Variants in CORO1C observed in about 807,000 individuals in gnomAD.
The protein encoded by CORO1C is coronin-1C.
CORO1C carries 14 observed loss-of-function variants against 51.2 expected under a neutral mutation model. The observed-to-expected ratio is 0.27, with a 90% CI of 0.18 to 0.43. The LOEUF is 0.43. Ranked by LOEUF, CORO1C falls within the 20% of genes least tolerant of loss-of-function variation. The probability of loss-of-function intolerance (pLI) is 1.00; values close to 1 mark genes in which losing one functional copy is unlikely to be tolerated. For missense variants in CORO1C, 417 were observed against 607.8 expected (o/e 0.69, Z 3.30); for synonymous variants, 181 against 210.5 (o/e 0.86, Z 1.21).
At chr12:108,705,812 G>C (rs2035012557) in intron 1 of CORO1C, among the ~76,000 whole-genome samples, 1 of 152,036 alleles carries the variant, frequency 6.6e-6, no homozygotes, top group Non-Finnish European at 1.5e-5. Flanking sequence ...TGCGAGGTTG[G>C]GTCAACATCT....
At chr12:108,708,484 T>TG (rs1207832001) in intron 1 of CORO1C, among the ~76,000 whole-genome samples, 1 of 151,128 alleles carries the variant, frequency 6.6e-6, no homozygotes, top group Non-Finnish European at 1.5e-5. Flanking sequence ...TTTTCTGAGA[T>TG]GGAGTCTTGC....
chr12:108,664,650 C>T (rs368130445), intron 3 of CORO1C, among the ~76,000 whole-genome samples: 61 of 152,322 alleles, frequency 4.0e-4, no homozygotes, highest in African/African-American at 1.4e-3. Context: ...CCTCCCTCTG[C>T]GGAAGAGACC....
intron 2 of CORO1C, among the ~76,000 whole-genome samples, chr12:108,679,644 T>C (rs1051227585): frequency 6.6e-6 from 1 of 152,226 alleles, no homozygotes; most frequent in African/African-American, 2.4e-5. Flanking sequence ...GCAGGCTTCT[T>C]AGCAATTTTT....
chr12:108,692,794 C>CTTTT (rs11447073), intron 2 of CORO1C, among the ~76,000 whole-genome samples: 128 of 111,638 alleles, frequency 1.1e-3, no homozygotes, highest in African/African-American at 1.4e-3. Context: ...TAGACCACAG[C>CTTTT]TTTTTTTTTT....
chr12:108,672,877 G>C (rs138250407), intron 3 of CORO1C, among the ~76,000 whole-genome samples: 1 of 152,244 alleles, frequency 6.6e-6, no homozygotes, highest in Non-Finnish European at 1.5e-5. Flanking sequence ...ACTCATATAA[G>C]ACAGTGAACT....
chr12:108,696,796 AAG>A (rs2034701917), intron 2 of CORO1C, among the ~76,000 whole-genome samples: 1 of 152,244 alleles, frequency 6.6e-6, no homozygotes, highest in African/African-American at 2.4e-5. Context: ...AGCATTACAA[AAG>A]AGAGTGGGAA....
At position 108,717,425 on chromosome 12, in the gene CORO1C, T is replaced by C. The variant is rs193084989; in HGVS notation, c.-6+14004A>G. 2.0e-5 allele frequency among the ~76,000 whole-genome samples: 3 copies of C among 152,282 alleles called. No individual in the cohort carries two copies. The East Asian group carries it at 5.8e-4, about 29-fold the overall frequency. Reference sequence around the variant, plus strand: ...GTATGAGTATGTGACATAATTAGATTTGCATTTTAAAAGCTCACGCTGAAT... The same window carrying C: ...GTATGAGTATGTGACATAATTAGATCTGCATTTTAAAAGCTCACGCTGAAT... On this transcript the variant is annotated intron_variant, in intron 1 of 10. Coordinates refer to ENST00000261401, the MANE Select transcript of CORO1C (RefSeq NM_014325.4).
In CORO1C at chr12:108,710,294, T is replaced by C. The variant is rs1001944705; in HGVS notation, c.-5-8971A>G. On this transcript the variant is annotated intron_variant, in intron 1 of 10. Transcript: ENST00000261401. ...CTCCCTCACCAAGTTTTCCAGGTGATACTGAAGGCCAAAAAGGAGGATTAC... is the reference window on the plus strand; with the variant it reads ...CTCCCTCACCAAGTTTTCCAGGTGACACTGAAGGCCAAAAAGGAGGATTAC... Among the ~76,000 whole-genome samples the C allele has an allele frequency of 7.8e-4, 119 of 152,320 alleles. 2 individuals carry two copies. Among genetic ancestry groups the C allele is most frequent in the African/African-American group, 2.7e-3 (111 of 41,562 alleles).
chr12:108,688,164 G>A (rs2034367324), intron 2 of CORO1C, among the ~76,000 whole-genome samples: 2 of 152,004 alleles, frequency 1.3e-5, no homozygotes, highest in South Asian at 4.1e-4. Context: ...GCCCACCTCA[G>A]CCTCCCAAAG....
intron 2 of CORO1C, among the ~76,000 whole-genome samples, chr12:108,682,264 T>C (rs1253139052): frequency 6.6e-6 from 1 of 151,908 alleles, no homozygotes; most frequent in Non-Finnish European, 1.5e-5. Flanking sequence ...TTGTAGTAAA[T>C]GCAAGATTAA....
At chr12:108,717,081 G>A (rs936229086) in intron 1 of CORO1C, among the ~76,000 whole-genome samples, 5 of 152,234 alleles carry the variant, frequency 3.3e-5, no homozygotes, top group Non-Finnish European at 7.3e-5. Flanking sequence ...AGAACACAAG[G>A]TAACTGAGTC....
intron 2 of CORO1C, among the ~76,000 whole-genome samples, chr12:108,691,577 A>C (rs1291703183): frequency 6.6e-6 from 1 of 152,192 alleles, no homozygotes; most frequent in Admixed American, 6.5e-5. Flanking sequence ...CGTTCTTTGC[A>C]CTTGACTCAG....
chr12:108,692,509 A>ACT (rs2034530630), intron 2 of CORO1C, among the ~76,000 whole-genome samples: 2 of 152,244 alleles, frequency 1.3e-5, no homozygotes, highest in Non-Finnish European at 2.9e-5. Context: ...CACACAGAAA[A>ACT]GCACTGTCAG....
Position 108,648,746 on chromosome 12 carries a change from G to C in CORO1C, c.1164C>G (p.Ile388Met). The change falls in exon 10 of 11, where the codon ATC becomes ATG. Residue 388 changes from isoleucine to methionine, a missense_variant. By Grantham distance (10) the Ile-to-Met change is conservative (BLOSUM62 1). Transcript: ENST00000261401. ...CTGGAATGTACCCGTGCTTCAAGGA[G>C]ATGAGGATTGGGTCTGCATTCTTGC... ...FEGKNADPIL[I>M]SLKHGYIPGK... The C allele has an allele frequency of 6.2e-7, 1 of 1,614,192 alleles. No individual in the cohort carries two copies. The highest frequency in any genetic ancestry group is 8.5e-7 in the Non-Finnish European group (1 of 1,180,046).
At chr12:108,721,734 A>G (rs1257774075) in intron 1 of CORO1C, among the ~76,000 whole-genome samples, 1 of 152,164 alleles carries the variant, frequency 6.6e-6, no homozygotes, top group Non-Finnish European at 1.5e-5. Flanking sequence ...GAAAAAAGTG[A>G]CTTTTTGATA....
intron 1 of CORO1C, chr12:108,703,076 G>T: frequency 1.1e-6 from 1 of 892,990 alleles, no homozygotes; most frequent in Non-Finnish European, 1.6e-6. Flanking sequence ...AAAAGCAAAA[G>T]GAAAGCACAT....
chr12:108,652,010 G>A, intron 8 of CORO1C: 1 of 267,462 alleles, frequency 3.7e-6, no homozygotes, highest in Non-Finnish European at 7.1e-6. Flanking sequence ...GGGCAACAGA[G>A]CCAGACTCCG....
chr12:108,698,786 G>A (rs779593873), intron 2 of CORO1C, among the ~76,000 whole-genome samples: 1 of 152,216 alleles, frequency 6.6e-6, no homozygotes, highest in Non-Finnish European at 1.5e-5. Context: ...ACACATCCAC[G>A]TCCCACTACA....
intron 3 of CORO1C, among the ~76,000 whole-genome samples, chr12:108,666,576 T>C (rs1185700051): frequency 6.6e-6 from 1 of 152,130 alleles, no homozygotes; most frequent in Non-Finnish European, 1.5e-5. Flanking sequence ...GCCTGCTCGG[T>C]TTGGACTGAT....
Sources: gnomAD v4.1 joint callset for allele counts (sites outside exome capture counted in the v4.1 genomes callset) on GRCh38, gnomAD v4.1.1 for gene constraint, MANE v1.5 for transcripts, NCBI Gene and HGNC (gene_info 2026-07-23, HGNC 2026-07-21) for gene names.